The following METTL15 variants were observed in gnomAD, a reference collection of about 807,000 sequenced individuals.
METTL15 encodes the protein 12S rRNA N(4)-cytidine methyltransferase METTL15.
A neutral mutation model predicts 38.3 loss-of-function variants in METTL15; 34 were observed. The observed-to-expected ratio is 0.89, with a 90% CI of 0.68 to 1.18. METTL15 has a LOEUF of 1.18. METTL15 is among the 50% of genes most tolerant of loss of function. The pLI is 0.00. For synonymous variants in METTL15, 162 were observed against 170.9 expected, an observed-to-expected ratio of 0.95 and a Z score of 0.41; for missense variants, 438 against 498.4, an observed-to-expected ratio of 0.88 and a Z score of 1.15.
chr11:28,302,169 T>C (rs1343484598), intron 6 of METTL15, among the ~76,000 whole-genome samples: 1 of 152,152 alleles, frequency 6.6e-6, no homozygotes. Flanking sequence ...ACCTCCTGGC[T>C]CAGCTTCCTG....
intron 3 of METTL15, among the ~76,000 whole-genome samples, chr11:28,139,458 C>T (rs1349873430): frequency 2.0e-5 from 3 of 152,126 alleles, no homozygotes; most frequent in African/African-American, 7.2e-5. Flanking sequence ...ATGGTGCAGA[C>T]CATGGGTGCC....
intron 5 of METTL15, among the ~76,000 whole-genome samples, chr11:28,377,634 C>A (rs1423133733): frequency 6.6e-6 from 1 of 152,036 alleles, no homozygotes; most frequent in Non-Finnish European, 1.5e-5. Context: ...GTAATTTGAT[C>A]GTCTGAAGCC....
intron 5 of METTL15, among the ~76,000 whole-genome samples, chr11:28,373,647 A>T (rs1258381390): frequency 6.6e-6 from 1 of 152,202 alleles, no homozygotes; most frequent in Non-Finnish European, 1.5e-5. Context: ...TAGTTTAATT[A>T]GAAGCAATTT....
chr11:28,493,325 T>C (rs1374621335), intron 6 of METTL15, among the ~76,000 whole-genome samples: 2 of 152,190 alleles, frequency 1.3e-5, no homozygotes, highest in African/African-American at 4.8e-5. Flanking sequence ...TGTTCTGTCA[T>C]GTCTCATCTG....
chr11:28,378,341 G>A (rs934248397), intron 5 of METTL15, among the ~76,000 whole-genome samples: 8 of 152,220 alleles, frequency 5.3e-5, no homozygotes, highest in Non-Finnish European at 1.0e-4. Context: ...AGCCAGGTGC[G>A]GGATATAATC....
chr11:28,508,904 G>T (rs1275645760), intron 6 of METTL15, among the ~76,000 whole-genome samples: 1 of 152,226 alleles, frequency 6.6e-6, no homozygotes, highest in Non-Finnish European at 1.5e-5. Flanking sequence ...AAATCAAATG[G>T]GTTGGCATGA....
At chr11:28,407,273 C>T (rs761473980) in intron 5 of METTL15, among the ~76,000 whole-genome samples, 1 of 152,068 alleles carries the variant, frequency 6.6e-6, no homozygotes, top group South Asian at 2.1e-4. Context: ...ATGATGAAAA[C>T]GTCAAAAGTA....
intron 4 of METTL15, among the ~76,000 whole-genome samples, chr11:28,246,210 G>T (rs181228855): frequency 5.3e-5 from 8 of 151,990 alleles, no homozygotes; most frequent in East Asian, 3.9e-4. Flanking sequence ...CTAGCATAAA[G>T]AAAATATATT....
chr11:28,214,724 A>G (rs1291147929), intron 4 of METTL15, among the ~76,000 whole-genome samples: 1 of 152,204 alleles, frequency 6.6e-6, no homozygotes, highest in Non-Finnish European at 1.5e-5. Flanking sequence ...GTATTTCTCA[A>G]TATTTTTTGA....
At chr11:28,155,778 G>A (rs1025662703) in intron 3 of METTL15, among the ~76,000 whole-genome samples, 3 of 152,168 alleles carry the variant, frequency 2.0e-5, no homozygotes, top group Non-Finnish European at 4.4e-5. Flanking sequence ...GTATTAATGA[G>A]ATTATGTATT....
intron 4 of METTL15, among the ~76,000 whole-genome samples, chr11:28,254,554 T>TACTTG (rs1854892691): frequency 6.6e-6 from 1 of 152,208 alleles, no homozygotes; most frequent in Non-Finnish European, 1.5e-5. Flanking sequence ...AAGAAATCTT[T>TACTTG]GTCCAGTTCA....
intron 4 of METTL15, among the ~76,000 whole-genome samples, chr11:28,246,243 A>G (rs1378378180): frequency 1.3e-5 from 2 of 152,158 alleles, no homozygotes; most frequent in African/African-American, 4.8e-5. Context: ...TAATTACCCT[A>G]ATTTCATCTT....
At chr11:28,337,780 G>T (rs1019096240), downstream of METTL15, among the ~76,000 whole-genome samples, 1 of 152,014 alleles carries the variant, frequency 6.6e-6, no homozygotes, top group African/African-American at 2.4e-5. Context: ...ACAGTAACAT[G>T]CCATACAGGT....
At position 28,113,623 on chromosome 11, in the gene METTL15, T is replaced by G; in HGVS notation, c.270+19T>G. 6.3e-7 allele frequency: 1 copy of G among 1,596,668 alleles called. No homozygotes were observed. Among genetic ancestry groups the G allele is most frequent in the Non-Finnish European group, 8.5e-7 (1 of 1,172,412 alleles). ...AGGACAGGTGAGTTGAATTTTTATT[T>G]TTTAGCAAGTTTTTGTTGAGATAAA... is the stretch of plus-strand genomic sequence containing the variant. On this transcript the variant is annotated intron_variant, in intron 3 of 6. Transcript: ENST00000407364.
rs1289019153 is a variant in METTL15 at position 28,191,071 on chromosome 11, A to G, written c.271-19991A>G. The stretch of plus-strand genomic sequence containing the variant: ...GATACTTCTTTCATATGATTATTAT[A>G]AGGTTTGTATTTTAAACTTATCCCT... On this transcript the variant is annotated intron_variant, in intron 3 of 6. Transcript: ENST00000407364. Among the ~76,000 whole-genome samples, 16 of 151,370 alleles carry G rather than the reference A, an allele frequency of 1.1e-4. 1 individual carries two copies.
At chr11:28,502,503 C>G (rs1425110464) in intron 6 of METTL15, among the ~76,000 whole-genome samples, 1 of 152,154 alleles carries the variant, frequency 6.6e-6, no homozygotes, top group Non-Finnish European at 1.5e-5. Flanking sequence ...CTGAATCAGA[C>G]TAAATTTCCT....
At chr11:28,347,283 A>G (rs1564902580) in intron 3 of METTL15, among the ~76,000 whole-genome samples, 1 of 152,168 alleles carries the variant, frequency 6.6e-6, no homozygotes, top group African/African-American at 2.4e-5. Flanking sequence ...GTGAGGTAGG[A>G]ATAGTAGGGC....
At chr11:28,401,287 C>T (rs1249183396) in intron 5 of METTL15, among the ~76,000 whole-genome samples, 1 of 151,966 alleles carries the variant, frequency 6.6e-6, no homozygotes. Context: ...TCCACAAATA[C>T]CTGCCTGGGA....
chr11:28,380,757 C>T (rs1358418258), intron 5 of METTL15, among the ~76,000 whole-genome samples: 1 of 151,868 alleles, frequency 6.6e-6, no homozygotes, highest in Non-Finnish European at 1.5e-5. Flanking sequence ...TGGAAATATA[C>T]AAATGTTCGT....
Sources: gnomAD v4.1 joint callset for allele counts (sites outside exome capture counted in the v4.1 genomes callset) on GRCh38, gnomAD v4.1.1 for gene constraint, MANE v1.5 for transcripts, NCBI Gene and HGNC (gene_info 2026-07-23, HGNC 2026-07-21) for gene names.